BFAR: variants seen among roughly 807,000 people sequenced by gnomAD.
BFAR encodes the protein RING finger protein 47.
A neutral mutation model predicts 54.4 loss-of-function variants in BFAR; 52 were observed. The ratio of observed to expected loss-of-function variants is 0.96; its 90% confidence interval spans 0.77 to 1.21. The LOEUF (loss-of-function observed/expected upper bound fraction) is 1.21. BFAR is among the 50% of genes most tolerant of loss of function. BFAR has a pLI of 0.00. For synonymous variants in BFAR, 215 were observed against 204.3 expected (o/e 1.05, Z -0.45); for missense variants, 571 against 534.0 (o/e 1.07, Z -0.68).
intron 4 of BFAR, among the ~76,000 whole-genome samples, chr16:14,653,419 C>G (rs1158021896): frequency 3.9e-5 from 6 of 152,108 alleles, no homozygotes; most frequent in African/African-American, 2.4e-5. Flanking sequence ...CCTTCACCTC[C>G]TGGGTTCAAG....
intron 7 of BFAR, chr16:14,665,325 T>C: frequency 3.3e-6 from 1 of 304,790 alleles, no homozygotes; most frequent in Non-Finnish European, 6.0e-6. Context: ...CCATTTAATT[T>C]CAGGGGGAGG....
intron 7 of BFAR, among the ~76,000 whole-genome samples, chr16:14,666,368 C>T (rs1429930936): frequency 1.3e-5 from 2 of 152,104 alleles, no homozygotes; most frequent in African/African-American, 4.8e-5. Context: ...GTCAGGAGTT[C>T]GAGACCAGCC....
chr16:14,666,105 C>T (rs1960434162), intron 7 of BFAR, among the ~76,000 whole-genome samples: 2 of 152,170 alleles, frequency 1.3e-5, no homozygotes, highest in African/African-American at 4.8e-5. Flanking sequence ...CTTAACAAAC[C>T]TCCAGAAAGA....
chr16:14,667,669 A>C lies in BFAR; in HGVS notation c.1195A>C (p.Lys399Gln). 1 of 1,614,088 alleles carries C rather than the reference A, an allele frequency of 6.2e-7. No individual in the cohort carries two copies. Among genetic ancestry groups the C allele is most frequent in the Non-Finnish European group, 8.5e-7 (1 of 1,180,006 alleles). ...VPQRMWSHFW[K>Q]VSTQGLFVAM... The stretch of plus-strand genomic sequence containing the variant: ...TCAGAGGATGTGGAGCCATTTCTGG[A>C]AAGTATCAACGCAGGGGCTTTTTGT... Residue 399 changes from lysine to glutamine, a missense_variant, in exon 8 of 8, where the codon AAA becomes CAA. Lys to Gln is a moderately conservative substitution (Grantham distance 53). Transcript: ENST00000261658.
chr16:14,659,505 A>G (rs1960230006), intron 5 of BFAR, among the ~76,000 whole-genome samples: 1 of 151,238 alleles, frequency 6.6e-6, no homozygotes, highest in African/African-American at 2.4e-5. Flanking sequence ...CAGCCTCCCA[A>G]AGTGCTGGGA....
At chr16:14,649,710 C>A in intron 3 of BFAR, 94 bp from the exon 4 acceptor site, 1 of 1,181,504 alleles carries the variant, frequency 8.5e-7, no homozygotes, top group Non-Finnish European at 1.2e-6. Context: ...TCCCTGTGAG[C>A]TCAGCCTCTT....
At chr16:14,667,585 T>C (rs1960476237) in intron 7 of BFAR, 50 bp from the exon 8 acceptor site, 2 of 1,538,210 alleles carry the variant, frequency 1.3e-6, no homozygotes, top group Admixed American at 3.6e-5. Flanking sequence ...GACTCCTGGG[T>C]GTGGTCATGA....
At chr16:14,667,356 AT>A in intron 7 of BFAR, 1 of 431,852 alleles carries the variant, frequency 2.3e-6, no homozygotes, top group Non-Finnish European at 4.1e-6. Context: ...GGAAAAAAAA[AT>A]ATGTAAATGT....
At chr16:14,661,750 C>T in intron 5 of BFAR, 142 bp from the exon 6 acceptor site, 1 of 895,154 alleles carries the variant, frequency 1.1e-6, no homozygotes, top group Non-Finnish European at 1.7e-6. Context: ...GATCACTTGG[C>T]CTCTTCTTGC....
At chr16:14,643,020 A>T (rs1015786247) in intron 1 of BFAR, among the ~76,000 whole-genome samples, 5 of 152,198 alleles carry the variant, frequency 3.3e-5, no homozygotes, top group African/African-American at 1.2e-4. Flanking sequence ...TACTAAAAAT[A>T]CAAAAATTAA....
intron 2 of BFAR, among the ~76,000 whole-genome samples, chr16:14,645,681 T>G (rs1959771301): frequency 6.6e-6 from 1 of 152,238 alleles, no homozygotes; most frequent in Non-Finnish European, 1.5e-5. Flanking sequence ...TTGATTTAGC[T>G]GAAGGTTAAA....
intron 3 of BFAR, 37 bp from the exon 4 acceptor site, chr16:14,649,767 C>G: frequency 6.5e-7 from 1 of 1,536,392 alleles, no homozygotes; most frequent in Admixed American, 1.9e-5. Flanking sequence ...GCATCTCTGC[C>G]TCTCCATGGT....
chr16:14,636,830 G>T (rs1959460616), intron 1 of BFAR, among the ~76,000 whole-genome samples: 1 of 152,230 alleles, frequency 6.6e-6, no homozygotes, highest in Non-Finnish European at 1.5e-5. Flanking sequence ...TTGCGTCCCT[G>T]GGTACTTGAG....
intron 5 of BFAR, among the ~76,000 whole-genome samples, chr16:14,661,008 G>A (rs573233105): frequency 5.3e-5 from 8 of 152,142 alleles, no homozygotes; most frequent in Non-Finnish European, 8.8e-5. Context: ...AGGATTACAG[G>A]CGTGAGCCAC....
chr16:14,640,618 G>A (rs1325770244), intron 1 of BFAR, among the ~76,000 whole-genome samples: 1 of 152,202 alleles, frequency 6.6e-6, no homozygotes, highest in African/African-American at 2.4e-5. Flanking sequence ...TGGTAGGGCG[G>A]TGGCTACTGG....
chr16:14,660,619 C>T (rs78778809), intron 5 of BFAR, among the ~76,000 whole-genome samples: 3 of 130,810 alleles, frequency 2.3e-5, no homozygotes, highest in African/African-American at 5.5e-5. Context: ...CGAGGTCTTA[C>T]GCCAGGCGTG....
chr16:14,663,948 G>A (rs1960363614), intron 6 of BFAR, among the ~76,000 whole-genome samples: 1 of 151,202 alleles, frequency 6.6e-6, no homozygotes, highest in Admixed American at 6.6e-5. Context: ...TACTTAATTT[G>A]AGATTAATTA....
At position 14,632,968 on chromosome 16, in the gene BFAR, C is replaced by G. The variant is rs1046353988; in HGVS notation, c.-124C>G. On this transcript the variant is annotated 5_prime_UTR_variant, in exon 1 of 8. Transcript: ENST00000261658. ...GCCTCTCCCTCTTCCTCTGCTCCCG[C>G]GGGGTCTGTGCTGAGAATAATGGCC... is the stretch of plus-strand genomic sequence containing the variant. The G allele has an allele frequency of 6.4e-6, 1 of 155,172 alleles. No individual in the cohort carries two copies. The highest frequency in any genetic ancestry group is 1.4e-5 in the Non-Finnish European group (1 of 69,544). The allele number at this position is 155,172 out of a possible 1,614,324, so 9.6% of individuals were successfully genotyped here. A position where few individuals can be genotyped will look rare whatever the true frequency, so the allele number is the denominator to read the frequency against.
intron 1 of BFAR, among the ~76,000 whole-genome samples, chr16:14,638,761 C>T (rs1031203394): frequency 6.6e-6 from 1 of 152,020 alleles, no homozygotes; most frequent in African/African-American, 2.4e-5. Flanking sequence ...GTCTGGCCAA[C>T]GTGGCAAACC....
Sources: gnomAD v4.1 joint callset for allele counts (sites outside exome capture counted in the v4.1 genomes callset) on GRCh38, gnomAD v4.1.1 for gene constraint, MANE v1.5 for transcripts, NCBI Gene and HGNC (gene_info 2026-07-23, HGNC 2026-07-21) for gene names.